FAM227B: variants seen among roughly 807,000 people sequenced by gnomAD.
FAM227B encodes protein FAM227B.
Under a neutral mutation model 73.8 loss-of-function variants are expected in FAM227B, and 88 were observed. The ratio of observed to expected loss-of-function variants is 1.19; its 90% CI spans 1.00 to 1.42. The LOEUF is 1.42. Among genes scored for constraint, FAM227B ranks in the 40% most tolerant of loss-of-function variants. The pLI is 0.00. For missense variants in FAM227B, 632 were observed against 590.9 expected, an observed-to-expected ratio of 1.07 and a Z score of -0.72; for synonymous variants, 210 against 190.5, an observed-to-expected ratio of 1.10 and a Z score of -0.84.
chr15:49,611,040 G>A (rs934174705), intron 3 of FAM227B, among the ~76,000 whole-genome samples, 175 bp downstream of exon 3: 1 of 151,848 alleles, frequency 6.6e-6, no homozygotes, highest in African/African-American at 2.4e-5. Context: ...TTGACAAGAG[G>A]GAAGACTACA....
At chr15:49,402,914 G>A (rs1478127651) in intron 11 of FAM227B, among the ~76,000 whole-genome samples, 1 of 152,100 alleles carries the variant, frequency 6.6e-6, no homozygotes, top group African/African-American at 2.4e-5. Flanking sequence ...TTGGCTGTGG[G>A]TCTGTCATAT....
intron 11 of FAM227B, among the ~76,000 whole-genome samples, chr15:49,505,876 C>G (rs545249748): frequency 1.3e-5 from 2 of 151,706 alleles, no homozygotes; most frequent in Non-Finnish European, 1.5e-5. Flanking sequence ...AAACAAGACT[C>G]AACTACAGAT....
intron 11 of FAM227B, among the ~76,000 whole-genome samples, chr15:49,448,188 T>C (rs1458173829): frequency 6.6e-6 from 1 of 151,806 alleles, no homozygotes; most frequent in East Asian, 1.9e-4. Flanking sequence ...CATAAATTAC[T>C]AGAACTTTCT....
intron 10 of FAM227B, among the ~76,000 whole-genome samples, chr15:49,508,765 A>G (rs35699093): frequency 0.053 from 8,015 of 152,276 alleles, 364 homozygotes; most frequent in East Asian, 0.24. Flanking sequence ...ATGTTTTTAG[A>G]TACAGTTATC....
chr15:49,595,660 A>G, intron 3 of FAM227B, among the ~76,000 whole-genome samples: 1 of 151,886 alleles, frequency 6.6e-6, no homozygotes, highest in Non-Finnish European at 1.5e-5. Flanking sequence ...GGGATGCTGA[A>G]TTTTGTACTC....
At chr15:49,340,651 T>C (rs776385669) in intron 13 of FAM227B, among the ~76,000 whole-genome samples, 4 of 152,194 alleles carry the variant, frequency 2.6e-5, no homozygotes, top group Admixed American at 6.5e-5. Context: ...TCCTTACAGA[T>C]TCTGGATATA....
At chr15:49,564,428 A>C (rs974755303) in intron 9 of FAM227B, among the ~76,000 whole-genome samples, 1 of 152,164 alleles carries the variant, frequency 6.6e-6, no homozygotes, top group Non-Finnish European at 1.5e-5. Flanking sequence ...CAGTTTAGAG[A>C]TTTCTCAAAT....
At chr15:49,606,811 C>A (rs952036535) in intron 3 of FAM227B, among the ~76,000 whole-genome samples, 2 of 152,004 alleles carry the variant, frequency 1.3e-5, no homozygotes, top group African/African-American at 4.8e-5. Context: ...GGAAAGGAAG[C>A]AGATGGAATG....
At chr15:49,495,037 TATC>T (rs1257517177) in intron 11 of FAM227B, among the ~76,000 whole-genome samples, 1 of 152,310 alleles carries the variant, frequency 6.6e-6, no homozygotes. Context: ...TTCAAAGTCT[TATC>T]ATTCACTTCT....
At chr15:49,560,850 T>C (rs772756383) in intron 9 of FAM227B, among the ~76,000 whole-genome samples, 1 of 152,126 alleles carries the variant, frequency 6.6e-6, no homozygotes, top group East Asian at 1.9e-4. Flanking sequence ...ATTACCACTA[T>C]ACCAGCCTTA....
intron 11 of FAM227B, among the ~76,000 whole-genome samples, chr15:49,505,772 A>C (rs1015910146): frequency 6.6e-6 from 1 of 152,044 alleles, no homozygotes; most frequent in African/African-American, 2.4e-5. Flanking sequence ...AATAGAAACT[A>C]GTAGAAATAA....
rs577950076 is a variant in FAM227B at position 49,612,737 on chromosome 15, T to C, written c.52-1469A>G. ...TTTATTTATTAAAACACATATTTCATATCAATATATAAAGTGGTCAAGATT... is the reference window on the plus strand; with the variant it reads ...TTTATTTATTAAAACACATATTTCACATCAATATATAAAGTGGTCAAGATT... On this transcript the variant is annotated intron_variant, in intron 2 of 15. Coordinates refer to ENST00000299338, the MANE Select transcript of FAM227B (RefSeq NM_152647.3). 4.6e-5 allele frequency among the ~76,000 whole-genome samples: 7 copies of C among 152,310 alleles called. No homozygotes were observed. In the East Asian group the frequency reaches 1.3e-3, roughly 29 times the overall value.
chr15:49,533,374 T>C (rs1428398557), intron 10 of FAM227B, among the ~76,000 whole-genome samples: 1 of 151,982 alleles, frequency 6.6e-6, no homozygotes, highest in Non-Finnish European at 1.5e-5. Context: ...GTTCTGTATA[T>C]GTCTGTTAGG....
chr15:49,358,017 G>A (rs1333511042), intron 13 of FAM227B, among the ~76,000 whole-genome samples: 1 of 151,948 alleles, frequency 6.6e-6, no homozygotes, highest in Non-Finnish European at 1.5e-5. Flanking sequence ...TGCAGAAAAA[G>A]CCTTTGACAA....
intron 13 of FAM227B, among the ~76,000 whole-genome samples, chr15:49,356,730 G>A (rs150532507): frequency 0.16 from 5,119 of 31,388 alleles, 103 homozygotes; most frequent in Middle Eastern, 0.22. Flanking sequence ...TGCACCAAGC[G>A]GACCTAATAG....
At chr15:49,489,883 TAGAG>T (rs35994302) in intron 11 of FAM227B, among the ~76,000 whole-genome samples, 37 of 22,944 alleles carry the variant, frequency 1.6e-3, no homozygotes, top group African/African-American at 3.5e-3. Context: ...TATATATATA[TAGAG>T]AGAGAGAGAG....
At chr15:49,433,758 A>C (rs916074789) in intron 11 of FAM227B, among the ~76,000 whole-genome samples, 1 of 151,700 alleles carries the variant, frequency 6.6e-6, no homozygotes, top group East Asian at 1.9e-4. Context: ...ATTCTAGAGG[A>C]GCTGTGGCCC....
chr15:49,472,173 G>T (rs1180246862), intron 11 of FAM227B, among the ~76,000 whole-genome samples: 1 of 152,192 alleles, frequency 6.6e-6, no homozygotes. Context: ...TTGAAGTAAA[G>T]TGAAATTGGG....
chr15:49,616,880 T>C (rs74406736), intron 1 of FAM227B, among the ~76,000 whole-genome samples: 27,192 of 152,186 alleles, frequency 0.18, 3,119 homozygotes, highest in Non-Finnish European at 0.25. Context: ...TGATGTTTCA[T>C]TTTTCATTTC....
Sources: allele counts gnomAD v4.1 joint callset (sites outside exome capture counted in the v4.1 genomes callset), GRCh38; gene constraint gnomAD v4.1.1; transcripts MANE v1.5; gene names NCBI Gene and HGNC (gene_info 2026-07-23, HGNC 2026-07-21).